The following CNTN4 variants were observed in gnomAD, a reference collection of about 807,000 sequenced individuals.
CNTN4 encodes the protein contactin-4.
CNTN4 carries 77 observed loss-of-function variants against 122.5 expected under a neutral mutation model. The observed-to-expected ratio is 0.63, with a 90% CI of 0.52 to 0.76. The LOEUF is 0.76. CNTN4 is among the 30% of genes least tolerant of loss of function. CNTN4 has a pLI of 0.00. For missense variants in CNTN4, 1,256 were observed against 1,259.1 expected (o/e 1.00, Z 0.04); for synonymous variants, 512 against 447.0 (o/e 1.15, Z -1.83).
chr3:2,571,216 T>A (rs1395157020), intron 3 of CNTN4, 200 bp from the exon 4 acceptor site: 1 of 479,378 alleles, frequency 2.1e-6, no homozygotes, highest in East Asian at 4.1e-5. Context: ...TCAGCTCCAA[T>A]CCCTGCCCAA....
intron 4 of CNTN4, among the ~76,000 whole-genome samples, chr3:2,652,739 T>C (rs1392820073): frequency 6.6e-6 from 1 of 152,084 alleles, no homozygotes; most frequent in African/African-American, 2.4e-5. Context: ...TGTGATTTTT[T>C]ATAGTGCAGA....
At chr3:2,688,143 C>T (rs1576460787) in intron 4 of CNTN4, among the ~76,000 whole-genome samples, 1 of 152,228 alleles carries the variant, frequency 6.6e-6, no homozygotes, top group Non-Finnish European at 1.5e-5. Context: ...ATACAGTATA[C>T]AGTTATTGAA....
At chr3:2,978,893 C>G (rs1693684213) in intron 13 of CNTN4, among the ~76,000 whole-genome samples, 1 of 152,176 alleles carries the variant, frequency 6.6e-6, no homozygotes, top group Admixed American at 6.5e-5. Context: ...GTTAGTCGCT[C>G]ACCCCTTGCA....
At chr3:3,036,823 T>C (rs1338876535) in intron 17 of CNTN4, among the ~76,000 whole-genome samples, 2 of 152,098 alleles carry the variant, frequency 1.3e-5, no homozygotes, top group African/African-American at 4.8e-5. Context: ...ATAATACTTT[T>C]ACCTTTCTCA....
At chr3:2,916,826 G>A (rs991995469) in intron 12 of CNTN4, among the ~76,000 whole-genome samples, 5 of 150,760 alleles carry the variant, frequency 3.3e-5, no homozygotes, top group African/African-American at 4.9e-5. Context: ...GGGTGGAGAC[G>A]CTCCTCAGTT....
intron 6 of CNTN4, among the ~76,000 whole-genome samples, chr3:2,797,161 C>T (rs534839999): frequency 1.5e-4 from 23 of 152,228 alleles, no homozygotes; most frequent in African/African-American, 4.6e-4. Context: ...CCACCATGCC[C>T]AACTAATTTT....
chr3:2,542,195 T>C (rs2078057790), intron 3 of CNTN4, among the ~76,000 whole-genome samples: 1 of 152,112 alleles, frequency 6.6e-6, no homozygotes, highest in Non-Finnish European at 1.5e-5. Flanking sequence ...TCAGCAAAGA[T>C]GCTAGAAGTA....
intron 3 of CNTN4, among the ~76,000 whole-genome samples, chr3:2,452,954 A>G (rs2048882105): frequency 6.6e-6 from 1 of 152,194 alleles, no homozygotes; most frequent in Admixed American, 6.5e-5. Context: ...CATTATTGCA[A>G]ATCTTCCTGG....
intron 13 of CNTN4, among the ~76,000 whole-genome samples, chr3:2,965,008 G>GGCCCTTTTC (rs1274470463): frequency 2.6e-5 from 4 of 152,192 alleles, no homozygotes; most frequent in African/African-American, 4.8e-5. Flanking sequence ...GTTTTCTGAT[G>GGCCCTTTTC]TGTAAATGGA....
intron 8 of CNTN4, among the ~76,000 whole-genome samples, chr3:2,872,349 A>G (rs1043499396): frequency 3.3e-5 from 5 of 152,190 alleles, no homozygotes; most frequent in African/African-American, 9.7e-5. Context: ...GTTTATGCAC[A>G]TTACATTACA....
intron 13 of CNTN4, among the ~76,000 whole-genome samples, chr3:2,933,491 G>A (rs1020380906): frequency 1.4e-4 from 22 of 152,222 alleles, no homozygotes; most frequent in Middle Eastern, 6.8e-3. Flanking sequence ...TACAGCTATC[G>A]GTCTGGGAAC....
intron 3 of CNTN4, among the ~76,000 whole-genome samples, chr3:2,360,554 T>C (rs896922731): frequency 6.6e-6 from 1 of 152,050 alleles, no homozygotes; most frequent in Middle Eastern, 3.2e-3. Context: ...CGAGACTGGG[T>C]AATTTATAAA....
intron 2 of CNTN4, among the ~76,000 whole-genome samples, chr3:2,199,892 G>A (rs574191627): frequency 6.6e-6 from 1 of 152,136 alleles, no homozygotes; most frequent in African/African-American, 2.4e-5. Context: ...CTTGTGTAGA[G>A]ACTCCAAAGT....
intron 4 of CNTN4, among the ~76,000 whole-genome samples, chr3:2,581,184 G>A (rs1202348005): frequency 6.6e-6 from 1 of 152,104 alleles, no homozygotes; most frequent in Non-Finnish European, 1.5e-5. Context: ...AGGCCTCCAA[G>A]GGTTGTGTTT....
intron 3 of CNTN4, among the ~76,000 whole-genome samples, chr3:2,518,851 A>G (rs1012577547): frequency 6.6e-6 from 1 of 152,166 alleles, no homozygotes; most frequent in Non-Finnish European, 1.5e-5. Context: ...GACTAATAGA[A>G]GAAAATCATA....
rs565674522 is a variant in CNTN4 at position 2,174,742 on chromosome 3, G to A, written c.-145+74103G>A. On this transcript the variant is annotated intron_variant, in intron 2 of 24. Transcript: ENST00000418658. ...GTTTAATTGACTCACAGTTCTGCAA[G>A]TGGTATAAGCATGGCATTGGCATCT... 5.8e-4 allele frequency among the ~76,000 whole-genome samples: 89 copies of A among 152,316 alleles called. 1 individual carries two copies. The highest frequency in any genetic ancestry group is 2.1e-3 in the African/African-American group (86 of 41,576).
rs1367178126 is a variant in CNTN4 at position 3,024,312 on chromosome 3, A to G, written c.1487-1790A>G. ...TGTAAATTTAAAAACGTCAAATGAC[A>G]TGTTAAGTCAAAATGGGGCTATTCC... On this transcript the variant is annotated intron_variant, in intron 14 of 24. Transcript: ENST00000418658. Among the ~76,000 whole-genome samples the G allele has an allele frequency of 2.0e-5, 3 of 149,524 alleles. No homozygotes were observed. The Admixed American group carries it at 2.0e-4, about 10-fold the overall frequency.
intron 6 of CNTN4, among the ~76,000 whole-genome samples, chr3:2,767,570 TTGCCCC>T (rs1438310153): frequency 1.3e-5 from 2 of 152,148 alleles, no homozygotes; most frequent in African/African-American, 4.8e-5. Flanking sequence ...TTTCAGTTAG[TTGCCCC>T]ATTGACAGAC....
intron 6 of CNTN4, among the ~76,000 whole-genome samples, chr3:2,781,763 CG>C (rs1406807209): frequency 8.6e-6 from 1 of 116,932 alleles, no homozygotes; most frequent in Non-Finnish European, 1.6e-5. Flanking sequence ...GTCGCTCTGT[CG>C]CCCAGGCTGG....
Sources: gnomAD v4.1 joint callset for allele counts (sites outside exome capture counted in the v4.1 genomes callset) on GRCh38, gnomAD v4.1.1 for gene constraint, MANE v1.5 for transcripts, NCBI Gene and HGNC (gene_info 2026-07-23, HGNC 2026-07-21) for gene names.